UHMK1: variants seen among roughly 807,000 people sequenced by gnomAD.
UHMK1 encodes the protein serine/threonine-protein kinase Kist.
UHMK1 carries 18 observed loss-of-function variants against 44.0 expected under a neutral mutation model. The observed-to-expected ratio is 0.41, with a 90% CI of 0.28 to 0.61. The LOEUF (loss-of-function observed/expected upper bound fraction) is 0.61, where lower values mean the gene tolerates loss of function less well. Among genes scored for constraint, UHMK1 ranks in the 20% least tolerant of loss-of-function variants. The pLI is 0.31. For missense variants in UHMK1, 463 were observed against 522.5 expected (o/e 0.89, Z 1.11); for synonymous variants, 231 against 198.5 (o/e 1.16, Z -1.38).
At chr1:162,497,332 G>A, upstream of UHMK1, 2 of 700,386 alleles carry the variant, frequency 2.9e-6, no homozygotes, top group East Asian at 2.7e-5. Context: ...TCCCGTCATG[G>A]ACTGAACCAG....
intron 4 of UHMK1, among the ~76,000 whole-genome samples, chr1:162,508,215 G>A (rs528959839): frequency 2.0e-5 from 3 of 152,046 alleles, no homozygotes; most frequent in South Asian, 2.1e-4. Flanking sequence ...AGGTTTTAGC[G>A]TTCCTCCCTC....
rs958438577 is a variant in UHMK1, at chr1:162,513,588, A to G, written c.1024+765A>G. On this transcript the variant is annotated intron_variant, in intron 6 of 7. Coordinates refer to ENST00000489294, the MANE Select transcript of UHMK1 (RefSeq NM_175866.5). ...CTTAACCCAATCTTAGTAACTGGTG[A>G]ATGCTTCTCTACAGACGTTATATCT... 3.9e-5 allele frequency among the ~76,000 whole-genome samples: 6 copies of G among 152,200 alleles called. No homozygotes were observed. In the East Asian group the frequency reaches 1.2e-3, roughly 29 times the overall value.
At chr1:162,503,204 T>C (rs1409607312) in intron 3 of UHMK1, among the ~76,000 whole-genome samples, 2 of 152,092 alleles carry the variant, frequency 1.3e-5, no homozygotes, top group African/African-American at 4.8e-5. Context: ...TCGGTATTTA[T>C]TTTTTATTCT....
rs1352769354 is a variant in UHMK1 at position 162,497,939 on chromosome 1, G to A, written c.-62G>A. 16 of 1,433,918 alleles carry A rather than the reference G, an allele frequency of 1.1e-5. No homozygotes were observed. The highest frequency in any genetic ancestry group is 1.5e-5 in the Non-Finnish European group (16 of 1,095,864). 88.8% of individuals were successfully genotyped at this position (1,433,918 alleles called of 1,614,324 possible). A position where few individuals can be genotyped will look rare whatever the true frequency, so the allele number is the denominator to read the frequency against. On this transcript the variant is annotated 5_prime_UTR_variant, in exon 1 of 8. Transcript: ENST00000489294. ...CCGGCTGGCGGAGATGTGACCGCGG[G>A]CCCGGCCGGCCTGCCTCAGGCGTCG...
chr1:162,510,500 A>C (rs1025950953), intron 4 of UHMK1, among the ~76,000 whole-genome samples: 8 of 152,184 alleles, frequency 5.3e-5, no homozygotes, highest in Middle Eastern at 3.2e-3. Flanking sequence ...GACCTGGCTT[A>C]TTATAACACT....
upstream of UHMK1, chr1:162,497,764 G>T: frequency 4.0e-6 from 5 of 1,262,164 alleles, no homozygotes; most frequent in South Asian, 2.4e-5. Flanking sequence ...CGCCCCTTCT[G>T]AGCCCCCCCT....
At chr1:162,516,033 C>CAAA (rs1158942603) in intron 6 of UHMK1, among the ~76,000 whole-genome samples, 1 of 124,380 alleles carries the variant, frequency 8.0e-6, no homozygotes, top group Admixed American at 8.2e-5. Context: ...GACTCCGTCT[C>CAAA]AAAAAAAAAA....
At position 162,501,080 on chromosome 1, in the gene UHMK1, T is replaced by C. The variant is rs1465343132; in HGVS notation, c.729T>C (p.His243=). 16 of 1,613,946 alleles carry C rather than the reference T, an allele frequency of 9.9e-6. No homozygotes were observed. The highest frequency in any genetic ancestry group is 1.3e-5 in the African/African-American group (1 of 74,920). ...LEMFSGMKLK[H]TVRSQEWKAN... Reference sequence around the variant, plus strand: ...TGTTCTCAGGAATGAAACTGAAACATACAGTCAGATCTCAGGAATGGAAGG... The same window carrying C: ...TGTTCTCAGGAATGAAACTGAAACACACAGTCAGATCTCAGGAATGGAAGG... The change falls in exon 3 of 8, where the codon CAT becomes CAC. Residue 243 remains histidine (H), a synonymous_variant. Coordinates refer to ENST00000489294, the MANE Select transcript of UHMK1 (RefSeq NM_175866.5).
intron 7 of UHMK1, among the ~76,000 whole-genome samples, chr1:162,519,083 G>A (rs1571018759): frequency 1.3e-5 from 2 of 151,596 alleles, no homozygotes; most frequent in Admixed American, 6.6e-5. Context: ...TTGGGAGGCC[G>A]AGGCGTGTGG....
At chr1:162,519,559 A>G (rs1651980959) in intron 7 of UHMK1, among the ~76,000 whole-genome samples, 1 of 152,216 alleles carries the variant, frequency 6.6e-6, no homozygotes, top group African/African-American at 2.4e-5. Context: ...CATTTTCTTC[A>G]TCTTTAAAAT....
intron 4 of UHMK1, among the ~76,000 whole-genome samples, chr1:162,510,197 A>C (rs1330151262): frequency 6.6e-6 from 1 of 152,302 alleles, no homozygotes; most frequent in African/African-American, 2.4e-5. Flanking sequence ...ATTATTTTAC[A>C]TAGTTATTTT....
chr1:162,512,469 A>G, intron 4 of UHMK1, 31 bp from the exon 5 acceptor site: 2 of 1,570,546 alleles, frequency 1.3e-6, no homozygotes, highest in East Asian at 2.2e-5. Context: ...GATTCAGCAG[A>G]AATGATAAGG....
chr1:162,510,032 T>C (rs1571011203), intron 4 of UHMK1, among the ~76,000 whole-genome samples: 1 of 152,218 alleles, frequency 6.6e-6, no homozygotes, highest in Non-Finnish European at 1.5e-5. Flanking sequence ...CCACAAACAC[T>C]TCAGTAGCTA....
rs554719850 is a variant in UHMK1 at position 162,528,362 on chromosome 1, C to T, written c.*5812C>T. On this transcript the variant is annotated 3_prime_UTR_variant, in exon 8 of 8. Transcript: ENST00000489294. ...ATACTTAAAGTTCCAGGTTTGGTAC[C>T]GCTAGCATAGAAACATTGCCTTTCC... 5 of 152,040 alleles carry T rather than the reference C, an allele frequency of 3.3e-5. No individual in the cohort carries two copies. The highest frequency in any genetic ancestry group is 7.4e-5 in the Non-Finnish European group (5 of 67,898). 9.4% of individuals were successfully genotyped at this position (152,040 alleles called of 1,614,324 possible).
At chr1:162,506,843 TAC>T (rs1485138843) in intron 4 of UHMK1, among the ~76,000 whole-genome samples, 1 of 152,008 alleles carries the variant, frequency 6.6e-6, no homozygotes, top group African/African-American at 2.4e-5. Context: ...CAGCCTGGGC[TAC>T]AGAGGGAGAC....
chr1:162,501,622 G>T (rs906604323), intron 3 of UHMK1, among the ~76,000 whole-genome samples: 1 of 152,124 alleles, frequency 6.6e-6, no homozygotes, highest in African/African-American at 2.4e-5. Flanking sequence ...CTGTGGCTTG[G>T]CATATAGTAA....
chr1:162,497,765 AGCCCCCCCTCCTTCGGCCTGTAT>A (rs999304780), upstream of UHMK1: 6 of 1,085,698 alleles, frequency 5.5e-6, no homozygotes, highest in Admixed American at 2.7e-4. Flanking sequence ...GCCCCTTCTG[AGCCCCCCCTCCTTCGGCCTGTAT>A]GATAGGCTCT....
intron 4 of UHMK1, among the ~76,000 whole-genome samples, chr1:162,508,300 C>T (rs1651548930): frequency 6.6e-6 from 1 of 151,924 alleles, no homozygotes; most frequent in African/African-American, 2.4e-5. Context: ...TTAGTAGAGA[C>T]AAGGTTTCAC....
intron 4 of UHMK1, among the ~76,000 whole-genome samples, chr1:162,511,606 A>G (rs1571012604): frequency 1.3e-5 from 2 of 152,248 alleles, no homozygotes; most frequent in East Asian, 3.9e-4. Context: ...AGTTTGATAT[A>G]ATCCCATTTG....
Sources: gnomAD v4.1 joint callset for allele counts (sites outside exome capture counted in the v4.1 genomes callset) on GRCh38, gnomAD v4.1.1 for gene constraint, MANE v1.5 for transcripts, NCBI Gene and HGNC (gene_info 2026-07-23, HGNC 2026-07-21) for gene names.